ATP8A2: variants seen among roughly 807,000 people sequenced by gnomAD.
ATP8A2 encodes phospholipid-transporting ATPase IB.
Under a neutral mutation model 165.6 loss-of-function variants are expected in ATP8A2, and 100 were observed. That is an observed-to-expected ratio of 0.60 (90% CI 0.51 to 0.71). ATP8A2 has a LOEUF of 0.71. Among genes scored for constraint, ATP8A2 ranks in the 30% least tolerant of loss-of-function variants. The pLI is 0.00. For synonymous variants in ATP8A2, 543 were observed against 548.8 expected (o/e 0.99, Z 0.15); for missense variants, 1,227 against 1,479.5 (o/e 0.83, Z 2.80).
At chr13:25,881,148 T>C (rs1056808000) in intron 33 of ATP8A2, among the ~76,000 whole-genome samples, 2 of 152,216 alleles carry the variant, frequency 1.3e-5, no homozygotes, top group East Asian at 3.8e-4. Context: ...TTTTTTTTTC[T>C]CCCTGCCCTC....
intron 33 of ATP8A2, among the ~76,000 whole-genome samples, chr13:25,934,763 A>G (rs1385761184): frequency 1.3e-5 from 2 of 152,204 alleles, no homozygotes; most frequent in African/African-American, 4.8e-5. Flanking sequence ...AGGAAGAGGA[A>G]TTCTAAAGGC....
At chr13:25,697,946 C>T (rs1305734223) in intron 24 of ATP8A2, among the ~76,000 whole-genome samples, 2 of 152,188 alleles carry the variant, frequency 1.3e-5, no homozygotes, top group Non-Finnish European at 2.9e-5. Flanking sequence ...GAACCTGTTT[C>T]TCACTTTTTA....
At chr13:25,904,840 A>C (rs986634920) in intron 33 of ATP8A2, among the ~76,000 whole-genome samples, 1 of 152,224 alleles carries the variant, frequency 6.6e-6, no homozygotes, top group Admixed American at 6.5e-5. Context: ...TATCCTCAAC[A>C]TTCAGCGAAT....
chr13:26,019,847 T>G (rs1399867137), intron 36 of ATP8A2, 41 bp from the exon 37 acceptor site: 1 of 1,458,354 alleles, frequency 6.9e-7, no homozygotes, highest in South Asian at 1.1e-5. Flanking sequence ...GCTCCCCCAA[T>G]TCTCCTGTTA....
At chr13:25,840,216 G>A (rs960643855) in intron 30 of ATP8A2, among the ~76,000 whole-genome samples, 35 of 152,246 alleles carry the variant, frequency 2.3e-4, no homozygotes, top group African/African-American at 7.9e-4. Flanking sequence ...CCAGAACGTG[G>A]CCTCCTAAAG....
chr13:25,975,941 C>A (rs1368869461), intron 35 of ATP8A2, among the ~76,000 whole-genome samples: 1 of 152,190 alleles, frequency 6.6e-6, no homozygotes, highest in African/African-American at 2.4e-5. Context: ...AGTCAAACAA[C>A]CCGTCCATAA....
chr13:25,850,463 CT>C (rs910187603), intron 30 of ATP8A2, among the ~76,000 whole-genome samples: 11 of 148,142 alleles, frequency 7.4e-5, no homozygotes, highest in African/African-American at 2.7e-4. Flanking sequence ...GTTCTTCCCC[CT>C]CTCAACTGAC....
chr13:25,719,761 C>T (rs924571285), intron 25 of ATP8A2, among the ~76,000 whole-genome samples: 2 of 152,176 alleles, frequency 1.3e-5, no homozygotes, highest in African/African-American at 4.8e-5. Context: ...GAACACAGAG[C>T]AGAATTAAGT....
rs114816830 is a variant in ATP8A2, at chr13:25,404,944, A to T, written c.76+32656A>T. ...AAACCTCAACATCTAAGGGAGAAGC[A>T]GAGAGAGGAAGAGAAAGCTAGAAAT... On this transcript the variant is annotated intron_variant, in intron 1 of 36. Coordinates refer to ENST00000381655, the MANE Select transcript of ATP8A2 (RefSeq NM_016529.6). 3.2e-3 allele frequency among the ~76,000 whole-genome samples: 490 copies of T among 152,282 alleles called. 3 individuals carry two copies. The highest frequency in any genetic ancestry group is 0.011 in the African/African-American group (461 of 41,550).
intron 35 of ATP8A2, among the ~76,000 whole-genome samples, chr13:26,009,578 A>G (rs1434347502): frequency 6.6e-6 from 1 of 152,188 alleles, no homozygotes; most frequent in African/African-American, 2.4e-5. Flanking sequence ...GATGGAGTCA[A>G]GTTAGCCTTG....
chr13:25,545,274 T>A (rs1376199840), intron 10 of ATP8A2, among the ~76,000 whole-genome samples: 3 of 152,052 alleles, frequency 2.0e-5, no homozygotes, highest in Non-Finnish European at 4.4e-5. Context: ...TCAGGATTAT[T>A]TAGTGTATCT....
intron 33 of ATP8A2, among the ~76,000 whole-genome samples, chr13:25,879,553 G>A (rs1461201126): frequency 1.3e-5 from 2 of 152,208 alleles, no homozygotes; most frequent in Non-Finnish European, 2.9e-5. Flanking sequence ...CCCAACCCTA[G>A]CACTGCCACC....
At chr13:25,535,329 A>G (rs1259958692) in intron 6 of ATP8A2, among the ~76,000 whole-genome samples, 1 of 152,148 alleles carries the variant, frequency 6.6e-6, no homozygotes, top group Non-Finnish European at 1.5e-5. Context: ...GAGCGCCAAG[A>G]GGCAGCTCTC....
chr13:25,839,956 T>C (rs1419765978), intron 30 of ATP8A2, among the ~76,000 whole-genome samples: 1 of 152,174 alleles, frequency 6.6e-6, no homozygotes, highest in Non-Finnish European at 1.5e-5. Flanking sequence ...TTGTCCGTGG[T>C]TTGAAATTCT....
At chr13:25,622,078 C>T (rs944845951) in intron 24 of ATP8A2, among the ~76,000 whole-genome samples, 1 of 151,904 alleles carries the variant, frequency 6.6e-6, no homozygotes, top group Non-Finnish European at 1.5e-5. Context: ...TGGTGGTGCG[C>T]ACCTGTAATC....
intron 2 of ATP8A2, among the ~76,000 whole-genome samples, chr13:25,494,722 A>G (rs2036623526): frequency 6.6e-6 from 1 of 152,202 alleles, no homozygotes; most frequent in Admixed American, 6.5e-5. Context: ...CATTTTTATA[A>G]TTGTTTTCAA....
At chr13:25,877,570 C>T (rs571061404) in intron 33 of ATP8A2, among the ~76,000 whole-genome samples, 13 of 152,200 alleles carry the variant, frequency 8.5e-5, no homozygotes, top group East Asian at 5.8e-4. Flanking sequence ...TCCTTGGCAC[C>T]GACCTGGTCC....
At chr13:25,936,876 G>A (rs369842099) in intron 33 of ATP8A2, among the ~76,000 whole-genome samples, 1 of 152,166 alleles carries the variant, frequency 6.6e-6, no homozygotes, top group East Asian at 1.9e-4. Context: ...GGTCTGAGGC[G>A]TGGAACTCTG....
At chr13:25,920,398 T>C (rs1954413534) in intron 33 of ATP8A2, among the ~76,000 whole-genome samples, 1 of 152,116 alleles carries the variant, frequency 6.6e-6, no homozygotes, top group African/African-American at 2.4e-5. Flanking sequence ...CTACACACAT[T>C]ATTAACACAC....
Sources: gnomAD v4.1 joint callset for allele counts (sites outside exome capture counted in the v4.1 genomes callset) on GRCh38, gnomAD v4.1.1 for gene constraint, MANE v1.5 for transcripts, NCBI Gene and HGNC (gene_info 2026-07-23, HGNC 2026-07-21) for gene names.